Variants in AHI1 observed in about 807,000 individuals in gnomAD.
AHI1 encodes Abelson helper integration site 1.
AHI1 carries 123 observed loss-of-function variants against 149.3 expected under a neutral mutation model. That is an observed-to-expected ratio of 0.82 (90% CI 0.71 to 0.96). The LOEUF is 0.96. Ranked by LOEUF, AHI1 falls within the 40% of genes least tolerant of loss-of-function variation. The pLI is 0.00. For synonymous variants in AHI1, 475 were observed against 459.8 expected (o/e 1.03, Z -0.42); for missense variants, 1,439 against 1,422.7 (o/e 1.01, Z -0.18).
At chr6:135,435,610 G>A (rs1452055358) in intron 15 of AHI1, among the ~76,000 whole-genome samples, 2 of 152,166 alleles carry the variant, frequency 1.3e-5, no homozygotes, top group Non-Finnish European at 2.9e-5. Context: ...GGGTCAATGA[G>A]GAACATGCCT....
intron 11 of AHI1, 47 bp downstream of exon 11, chr6:135,453,294 A>G (rs755241968): frequency 1.9e-4 from 273 of 1,428,154 alleles, no homozygotes; most frequent in Non-Finnish European, 2.5e-4. Context: ...CAGCCAACTA[A>G]ATTTGAAGAC....
At chr6:135,379,429 T>C (rs1776376298) in intron 23 of AHI1, among the ~76,000 whole-genome samples, 1 of 152,216 alleles carries the variant, frequency 6.6e-6, no homozygotes, top group Non-Finnish European at 1.5e-5. Context: ...CTAGCTGTAA[T>C]GCCCTAACAC....
intron 11 of AHI1, among the ~76,000 whole-genome samples, chr6:135,451,936 C>T (rs1583299275): frequency 6.6e-6 from 1 of 151,742 alleles, no homozygotes; most frequent in African/African-American, 2.4e-5. Flanking sequence ...GGGTGATCAT[C>T]GATAGCACAC....
At chr6:135,336,754 G>A (rs575332542) in intron 24 of AHI1, among the ~76,000 whole-genome samples, 2 of 152,200 alleles carry the variant, frequency 1.3e-5, no homozygotes, top group South Asian at 2.1e-4. Flanking sequence ...TTCATTTACT[G>A]TTACTATTAA....
chr6:135,432,496 G>A (rs1476809726), intron 16 of AHI1, among the ~76,000 whole-genome samples: 1 of 151,992 alleles, frequency 6.6e-6, no homozygotes, highest in Non-Finnish European at 1.5e-5. Flanking sequence ...GGGACTACAG[G>A]TGCATGCCAC....
At chr6:135,484,383 T>C (rs1213792007) in intron 5 of AHI1, among the ~76,000 whole-genome samples, 1 of 152,182 alleles carries the variant, frequency 6.6e-6, no homozygotes, top group South Asian at 2.1e-4. Flanking sequence ...AAATACCTTT[T>C]TGATAAGCAA....
chr6:135,363,543 T>C lies in AHI1; in HGVS notation c.3110-5356A>G, dbSNP rs571545155. On this transcript the variant is annotated intron_variant, in intron 23 of 28. Transcript: ENST00000265602. ...CAAAACCGCCATTGTCATCATGGCCTGTTCTCAATGAGCTGTTGGGTACAC... is the reference window on the plus strand; with the variant it reads ...CAAAACCGCCATTGTCATCATGGCCCGTTCTCAATGAGCTGTTGGGTACAC... 3.8e-3 allele frequency among the ~76,000 whole-genome samples: 568 copies of C among 147,542 alleles called. 1 individual carries two copies. The highest frequency in any genetic ancestry group is 0.027 in the South Asian group (119 of 4,490).
chr6:135,497,441 G>A (rs866052583), intron 1 of AHI1, 142 bp downstream of exon 1: 1 of 152,266 alleles, frequency 6.6e-6, no homozygotes, highest in Non-Finnish European at 1.5e-5. Context: ...CGGGACACCC[G>A]GCCCACGCTC....
chr6:135,361,370 C>A (rs1793835369), intron 23 of AHI1, among the ~76,000 whole-genome samples: 1 of 152,066 alleles, frequency 6.6e-6, no homozygotes, highest in South Asian at 2.1e-4. Flanking sequence ...CACATGAGAT[C>A]ATTAATCCCC....
Position 135,447,121 on chromosome 6 carries a change from C to A in AHI1, c.1666G>T (p.Glu556Ter). Residue 556 changes from glutamate (E) to a stop codon, truncating the protein, a stop_gained, in exon 13 of 29, where the codon GAA becomes TAA. Coordinates refer to ENST00000265602, the MANE Select transcript of AHI1 (RefSeq NM_001134831.2). LOFTEE classifies it high-confidence loss of function. The part of the protein sequence containing the change: ...SYRSMMALQE[E>*]KGKPVHCERH... Reference sequence around the variant, plus strand: ...TCACAATGCACTGGTTTACCTTTTTCCTCCTGAAGAGCCATCATAGAGCGG... The same window carrying A: ...TCACAATGCACTGGTTTACCTTTTTACTCCTGAAGAGCCATCATAGAGCGG... The A allele has an allele frequency of 6.3e-7, 1 of 1,591,056 alleles. No homozygotes were observed. The highest frequency in any genetic ancestry group is 8.6e-7 in the Non-Finnish European group (1 of 1,166,078).
rs1469371997 is a variant in AHI1, at chr6:135,299,006, A to T, written c.3485+1494T>A. Among the ~76,000 whole-genome samples, 3 of 152,138 alleles carry T rather than the reference A, an allele frequency of 2.0e-5. No homozygotes were observed. The East Asian group carries it at 5.8e-4, about 29-fold the overall frequency. On this transcript the variant is annotated intron_variant, in intron 27 of 28. Transcript: ENST00000265602. The stretch of plus-strand genomic sequence containing the variant: ...GTCATTTTTTTTTGGTTGTTGAAAC[A>T]GTCTGTGCTTATTGTTTCTAGTGTA...
intron 27 of AHI1, among the ~76,000 whole-genome samples, chr6:135,295,182 T>C (rs2128344134): frequency 6.6e-6 from 1 of 152,326 alleles, no homozygotes; most frequent in African/African-American, 2.4e-5. Context: ...CTTAACATCA[T>C]TAGTTGTTGG....
chr6:135,382,240 C>T (rs1776866352), intron 23 of AHI1, among the ~76,000 whole-genome samples: 1 of 152,190 alleles, frequency 6.6e-6, no homozygotes, highest in African/African-American at 2.4e-5. Flanking sequence ...CCGTATTTCT[C>T]AGTAACTTTG....
chr6:135,403,674 CACAATGAGT>C (rs1206225893), intron 22 of AHI1, among the ~76,000 whole-genome samples: 2 of 152,170 alleles, frequency 1.3e-5, no homozygotes, highest in Non-Finnish European at 2.9e-5. Context: ...TGATTTTATA[CACAATGAGT>C]ACTTCAGAAG....
chr6:135,304,156 G>A (rs1784254782), intron 26 of AHI1, among the ~76,000 whole-genome samples: 1 of 152,144 alleles, frequency 6.6e-6, no homozygotes, highest in African/African-American at 2.4e-5. Flanking sequence ...GTGGGCTCAG[G>A]CCAACCTGTG....
At position 135,418,995 on chromosome 6, in the gene AHI1, C is replaced by T. The variant is rs568722586; in HGVS notation, c.2765-7451G>A. On this transcript the variant is annotated intron_variant, in intron 20 of 28. Transcript: ENST00000265602. ...CTGGCCTGACTTGTTCCTCCTTCAGCTAATCTTGAGATACTGAGGTGATGG... is the reference window on the plus strand; with the variant it reads ...CTGGCCTGACTTGTTCCTCCTTCAGTTAATCTTGAGATACTGAGGTGATGG... Among the ~76,000 whole-genome samples the T allele has an allele frequency of 2.7e-5, 4 of 149,634 alleles. No homozygotes were observed. In the South Asian group the frequency reaches 8.4e-4, roughly 31 times the overall value.
rs939819537 is a variant in AHI1, at chr6:135,411,281, A to G, written c.2961+67T>C. On this transcript the variant is annotated intron_variant, in intron 21 of 28. Coordinates refer to ENST00000265602, the MANE Select transcript of AHI1 (RefSeq NM_001134831.2). ...AACTTACTTCATTAAATGAATATTT[A>G]TTGGCATGGCAATGTAAAACAGGAT... 3 of 1,401,196 alleles carry G rather than the reference A, an allele frequency of 2.1e-6. No individual in the cohort carries two copies. The African/African-American group carries it at 4.3e-5, about 20-fold the overall frequency. The allele number at this position is 1,401,196 out of a possible 1,614,324, so 86.8% of individuals were successfully genotyped here. A position where few individuals can be genotyped will look rare whatever the true frequency, so the allele number is the denominator to read the frequency against.
chr6:135,405,752 C>A (rs1040234696), intron 21 of AHI1, among the ~76,000 whole-genome samples: 1 of 149,442 alleles, frequency 6.7e-6, no homozygotes, highest in Non-Finnish European at 1.5e-5. Context: ...CCCAGCTACT[C>A]GGGAGGCTGA....
intron 20 of AHI1, among the ~76,000 whole-genome samples, chr6:135,422,250 C>T (rs980770477): frequency 6.6e-6 from 1 of 152,154 alleles, no homozygotes; most frequent in Non-Finnish European, 1.5e-5. Context: ...GGCATGGTGG[C>T]TCACGCCTGT....
Sources: allele counts gnomAD v4.1 joint callset (sites outside exome capture counted in the v4.1 genomes callset), GRCh38; gene constraint gnomAD v4.1.1; transcripts MANE v1.5; gene names NCBI Gene and HGNC (gene_info 2026-07-23, HGNC 2026-07-21).